The following WDR70 variants were observed in gnomAD, a reference collection of about 807,000 sequenced individuals.
WDR70 encodes WD repeat domain 70.
In WDR70, 53 loss-of-function variants were observed where a neutral mutation model predicts 88.6. The observed-to-expected ratio is 0.60, with a 90% CI of 0.48 to 0.75. WDR70 has a LOEUF of 0.75. Among genes scored for constraint, WDR70 ranks in the 30% least tolerant of loss-of-function variants. The pLI is 0.00. For missense variants in WDR70, 610 were observed against 823.2 expected, an observed-to-expected ratio of 0.74 and a Z score of 3.17; for synonymous variants, 280 against 270.0, an observed-to-expected ratio of 1.04 and a Z score of -0.36.
intron 8 of WDR70, among the ~76,000 whole-genome samples, chr5:37,492,937 C>G (rs1740108023): frequency 6.6e-6 from 1 of 152,180 alleles, no homozygotes; most frequent in South Asian, 2.1e-4. Context: ...TGAGAGTATT[C>G]AGTCACACTG....
chr5:37,403,349 CACTTGA>C (rs1749259443), intron 5 of WDR70, among the ~76,000 whole-genome samples: 1 of 152,180 alleles, frequency 6.6e-6, no homozygotes, highest in South Asian at 2.1e-4. Context: ...TATTTTGTCA[CACTTGA>C]ACTTTTGCTG....
At chr5:37,548,414 T>C (rs1456359129) in intron 9 of WDR70, among the ~76,000 whole-genome samples, 2 of 152,204 alleles carry the variant, frequency 1.3e-5, no homozygotes, top group African/African-American at 4.8e-5. Context: ...TTTTCATATG[T>C]CTGTTTGCAA....
At chr5:37,706,326 T>A (rs899858636) in intron 13 of WDR70, among the ~76,000 whole-genome samples, 2 of 152,184 alleles carry the variant, frequency 1.3e-5, no homozygotes, top group Non-Finnish European at 2.9e-5. Flanking sequence ...TTTTAGACAT[T>A]CCCTTGTAGT....
intron 7 of WDR70, among the ~76,000 whole-genome samples, chr5:37,465,179 G>T (rs537553196): frequency 6.6e-6 from 1 of 152,266 alleles, no homozygotes; most frequent in Admixed American, 6.5e-5. Context: ...GATACCATGG[G>T]GCCAGAGCCA....
At chr5:37,600,796 G>A (rs1415694231) in intron 9 of WDR70, among the ~76,000 whole-genome samples, 5 of 125,316 alleles carry the variant, frequency 4.0e-5, no homozygotes, top group African/African-American at 1.3e-4. Context: ...ACATATTACA[G>A]GTACAAATGT....
intron 8 of WDR70, among the ~76,000 whole-genome samples, chr5:37,508,085 A>G (rs1206449245): frequency 2.0e-5 from 3 of 152,182 alleles, no homozygotes; most frequent in South Asian, 2.1e-4. Flanking sequence ...GTCTTTTACC[A>G]TTAAATAGGT....
chr5:37,442,721 C>T (rs997695803), intron 6 of WDR70, among the ~76,000 whole-genome samples: 21 of 152,130 alleles, frequency 1.4e-4, no homozygotes, highest in African/African-American at 3.9e-4. Flanking sequence ...GTGAATATAC[C>T]GAGCCATTTG....
At chr5:37,384,092 AG>A (rs1180764859) in intron 3 of WDR70, among the ~76,000 whole-genome samples, 4 of 152,108 alleles carry the variant, frequency 2.6e-5, no homozygotes, top group African/African-American at 4.8e-5. Context: ...TTTTAAAAAA[AG>A]CTTAACCAAG....
At chr5:37,680,864 T>C (rs972089533) in intron 10 of WDR70, among the ~76,000 whole-genome samples, 11 of 152,262 alleles carry the variant, frequency 7.2e-5, no homozygotes, top group Non-Finnish European at 1.5e-4. Flanking sequence ...TTGCTTAGGA[T>C]TGCCTTGGCT....
chr5:37,502,618 C>T (rs1740439278), intron 8 of WDR70, among the ~76,000 whole-genome samples: 1 of 152,030 alleles, frequency 6.6e-6, no homozygotes, highest in Non-Finnish European at 1.5e-5. Flanking sequence ...TTAGGCCACT[C>T]TTGCATTGCC....
intron 10 of WDR70, among the ~76,000 whole-genome samples, chr5:37,649,898 C>T (rs1462051700): frequency 6.2e-5 from 9 of 145,264 alleles, no homozygotes; most frequent in African/African-American, 1.5e-4. Flanking sequence ...CCACCACGCC[C>T]GGCTAATTTT....
At chr5:37,510,525 T>C (rs1245373087) in intron 8 of WDR70, among the ~76,000 whole-genome samples, 1 of 152,208 alleles carries the variant, frequency 6.6e-6, no homozygotes, top group Non-Finnish European at 1.5e-5. Context: ...TTAGAATCCC[T>C]GGGCTCAAGC....
chr5:37,604,369 G>T (rs1430477234), intron 9 of WDR70, among the ~76,000 whole-genome samples: 1 of 152,222 alleles, frequency 6.6e-6, no homozygotes, highest in African/African-American at 2.4e-5. Flanking sequence ...GCAAGAAGCT[G>T]CTTACCTCAT....
Position 37,649,503 on chromosome 5 carries a change from C to T in WDR70, c.1092+44265C>T, listed in dbSNP as rs558804520. On this transcript the variant is annotated intron_variant, in intron 10 of 17. Coordinates refer to ENST00000265107, the MANE Select transcript of WDR70 (RefSeq NM_018034.4). ...TTGCTTCTTCCTTAATTCGGATTAT[C>T]ATAAAAATTGAGATGAAGGGAGGGG... Among the ~76,000 whole-genome samples the T allele has an allele frequency of 6.0e-5, 9 of 149,658 alleles. No individual in the cohort carries two copies. The South Asian group carries it at 1.7e-3, about 29-fold the overall frequency.
chr5:37,564,608 C>T (rs1042428081), intron 9 of WDR70, among the ~76,000 whole-genome samples: 6 of 86,426 alleles, frequency 6.9e-5, no homozygotes, highest in African/African-American at 1.7e-4. Flanking sequence ...AGAGGGAGAG[C>T]GAGGCTTAAT....
Position 37,726,961 on chromosome 5 carries a change from A to G in WDR70, c.1793A>G (p.Asp598Gly). The G allele has an allele frequency of 1.2e-6, 2 of 1,612,164 alleles. No homozygotes were observed. The highest frequency in any genetic ancestry group is 3.3e-4 in the Middle Eastern group (2 of 6,044). The part of the protein sequence containing the change: ...IVKNIALDKT[D>G]DSNPREAILR... The stretch of plus-strand genomic sequence containing the variant: ...AAGAACATTGCTTTGGACAAGACCG[A>G]TGACAGTAATCCTCGGGAAGCCATT... Residue 598 changes from aspartate (D) to glycine (G), a missense_variant, in exon 17 of 18, where the codon GAT becomes GGT. By Grantham distance (94) the Asp-to-Gly change is moderately conservative (BLOSUM62 -1). Coordinates refer to ENST00000265107, the MANE Select transcript of WDR70 (RefSeq NM_018034.4).
intron 5 of WDR70, among the ~76,000 whole-genome samples, chr5:37,396,852 C>T (rs571397632): frequency 5.6e-4 from 85 of 152,008 alleles, no homozygotes; most frequent in African/African-American, 1.9e-3. Flanking sequence ...AAAACCAAAC[C>T]GAGGAAAAAG....
intron 9 of WDR70, among the ~76,000 whole-genome samples, chr5:37,564,079 C>G (rs1186155457): frequency 2.7e-5 from 4 of 147,512 alleles, no homozygotes; most frequent in African/African-American, 1.0e-4. Flanking sequence ...ACATCCCAGA[C>G]GATGGGCGGC....
At chr5:37,724,901 A>G in intron 15 of WDR70, 33 bp from the exon 16 acceptor site, 1 of 1,583,884 alleles carries the variant, frequency 6.3e-7, no homozygotes, top group Non-Finnish European at 8.7e-7. Context: ...GGTTATTGTT[A>G]TAATGAAATT....
Sources: allele counts gnomAD v4.1 joint callset (sites outside exome capture counted in the v4.1 genomes callset), GRCh38; gene constraint gnomAD v4.1.1; transcripts MANE v1.5; gene names NCBI Gene and HGNC (gene_info 2026-07-23, HGNC 2026-07-21).